The following CAMK1D variants were observed in gnomAD, a reference collection of about 807,000 sequenced individuals.
CAMK1D encodes the protein calcium/calmodulin-dependent protein kinase type 1D.
A neutral mutation model predicts 47.7 loss-of-function variants in CAMK1D; 9 were observed. The ratio of observed to expected loss-of-function variants is 0.19; its 90% CI spans 0.11 to 0.33. The LOEUF (loss-of-function observed/expected upper bound fraction) is 0.33. Among genes scored for constraint, CAMK1D ranks in the 10% least tolerant of loss-of-function variants. The pLI, the probability that CAMK1D is intolerant of heterozygous loss-of-function variation, is 1.00. For missense variants in CAMK1D, 291 were observed against 488.7 expected (o/e 0.60, Z 3.81); for synonymous variants, 184 against 184.9 (o/e 0.99, Z 0.04).
At chr10:12,818,597 G>C (rs1354665965) in intron 8 of CAMK1D, among the ~76,000 whole-genome samples, 1 of 152,084 alleles carries the variant, frequency 6.6e-6, no homozygotes, top group Non-Finnish European at 1.5e-5. Context: ...CTTGAATCCA[G>C]GAGGCGGAGC....
intron 3 of CAMK1D, among the ~76,000 whole-genome samples, chr10:12,715,705 A>G (rs1210810473): frequency 6.8e-6 from 1 of 147,870 alleles, no homozygotes; most frequent in South Asian, 2.2e-4. Flanking sequence ...CGGGGGGAGA[A>G]GTGTGGGATG....
chr10:12,482,111 A>G (rs1834082424), intron 1 of CAMK1D, among the ~76,000 whole-genome samples: 1 of 152,250 alleles, frequency 6.6e-6, no homozygotes, highest in Non-Finnish European at 1.5e-5. Context: ...AGCATCTTAT[A>G]GCTGAAGAGC....
intron 3 of CAMK1D, among the ~76,000 whole-genome samples, chr10:12,703,812 TGAGCCGA>T (rs1414271197): frequency 6.7e-6 from 1 of 148,222 alleles, no homozygotes; most frequent in Non-Finnish European, 1.5e-5. Flanking sequence ...GAGGTTGCAG[TGAGCCGA>T]GATCACGCCA....
At chr10:12,703,499 C>T (rs1833608243) in intron 3 of CAMK1D, among the ~76,000 whole-genome samples, 1 of 152,156 alleles carries the variant, frequency 6.6e-6, no homozygotes. Flanking sequence ...TTGCACAGAC[C>T]AGGCAATGAG....
intron 1 of CAMK1D, among the ~76,000 whole-genome samples, chr10:12,455,458 G>T (rs749555787): frequency 1.3e-5 from 2 of 152,224 alleles, no homozygotes; most frequent in Non-Finnish European, 2.9e-5. Flanking sequence ...ACAGGCATGA[G>T]CCACTATGTC....
intron 3 of CAMK1D, among the ~76,000 whole-genome samples, chr10:12,711,715 A>C (rs1299033723): frequency 4.6e-5 from 7 of 152,146 alleles, no homozygotes; most frequent in African/African-American, 7.2e-5. Context: ...GAGTCCTCAC[A>C]CCACTTTGGT....
intron 1 of CAMK1D, among the ~76,000 whole-genome samples, chr10:12,387,429 ATATATTATATATATTT>A (rs1392727172): frequency 4.3e-3 from 250 of 58,542 alleles, no homozygotes; most frequent in African/African-American, 0.014. Context: ...TATATATTTT[ATATATTATATATATTT>A]TATATATATA....
At chr10:12,670,525 A>C (rs1312239193) in intron 3 of CAMK1D, among the ~76,000 whole-genome samples, 2 of 151,614 alleles carry the variant, frequency 1.3e-5, no homozygotes, top group Admixed American at 1.3e-4. Context: ...TACATACTAC[A>C]CAATTCACCC....
intron 3 of CAMK1D, among the ~76,000 whole-genome samples, chr10:12,669,595 C>T (rs1323609800): frequency 2.0e-5 from 3 of 152,170 alleles, no homozygotes; most frequent in Non-Finnish European, 1.5e-5. Flanking sequence ...CAGTGATGAA[C>T]GTGAGAGAAT....
chr10:12,608,662 A>G (rs1838534095), intron 2 of CAMK1D, among the ~76,000 whole-genome samples: 1 of 152,244 alleles, frequency 6.6e-6, no homozygotes, highest in Admixed American at 6.5e-5. Flanking sequence ...TTATTTCTTC[A>G]CTGAATATGA....
intron 2 of CAMK1D, among the ~76,000 whole-genome samples, chr10:12,646,651 G>A (rs1167523745): frequency 2.0e-5 from 3 of 152,046 alleles, no homozygotes; most frequent in African/African-American, 7.2e-5. Context: ...ATATTGAAAT[G>A]AAACGTGATT....
chr10:12,554,836 G>T (rs1401962377), intron 2 of CAMK1D, among the ~76,000 whole-genome samples: 1 of 152,252 alleles, frequency 6.6e-6, no homozygotes, highest in African/African-American at 2.4e-5. Context: ...GAGCCATGGC[G>T]CCTGGCTCCC....
In CAMK1D at chr10:12,804,520, G is replaced by A. The variant is rs925452356; in HGVS notation, c.642-9675G>A. Among the ~76,000 whole-genome samples the A allele has an allele frequency of 4.6e-5, 7 of 152,022 alleles. No individual in the cohort carries two copies. The East Asian group carries it at 1.4e-3, about 29-fold the overall frequency. On this transcript the variant is annotated intron_variant, in intron 6 of 10. Coordinates refer to ENST00000619168, the MANE Select transcript of CAMK1D (RefSeq NM_153498.4). ...TCCCAGGTACTTGGGAAGATGGGTTGGGAGAATCGCTTGAACTCAGGAGGT... is the reference window on the plus strand; with the variant it reads ...TCCCAGGTACTTGGGAAGATGGGTTAGGAGAATCGCTTGAACTCAGGAGGT...
intron 1 of CAMK1D, among the ~76,000 whole-genome samples, chr10:12,454,740 G>T (rs1200677946): frequency 6.6e-6 from 1 of 152,232 alleles, no homozygotes; most frequent in African/African-American, 2.4e-5. Context: ...TGGGATTACA[G>T]GTGTGAGCCT....
chr10:12,454,465 T>G lies in CAMK1D; in HGVS notation c.93-98760T>G, dbSNP rs563047207. Among the ~76,000 whole-genome samples, 9 of 149,358 alleles carry G rather than the reference T, an allele frequency of 6.0e-5. No homozygotes were observed. The South Asian group carries it at 1.3e-3, about 21-fold the overall frequency. ...GTGTGAGCCACCACTCCCGGCCGAATTTTAATTTTTTTTTAGAGACAAGGT... is the reference window on the plus strand; with the variant it reads ...GTGTGAGCCACCACTCCCGGCCGAAGTTTAATTTTTTTTTAGAGACAAGGT... On this transcript the variant is annotated intron_variant, in intron 1 of 10. Transcript: ENST00000619168.
chr10:12,391,780 C>A (rs1420632713), intron 1 of CAMK1D, among the ~76,000 whole-genome samples: 1 of 152,156 alleles, frequency 6.6e-6, no homozygotes, highest in Non-Finnish European at 1.5e-5. Flanking sequence ...ATTAGGAAGA[C>A]TAGAACCGAA....
At chr10:12,593,602 A>C (rs533470552) in intron 2 of CAMK1D, among the ~76,000 whole-genome samples, 261 of 152,248 alleles carry the variant, frequency 1.7e-3, no homozygotes, top group Admixed American at 3.5e-3. Flanking sequence ...AAAAACAAAC[A>C]AACAAACAAA....
At chr10:12,755,564 G>A (rs1390668755) in intron 3 of CAMK1D, among the ~76,000 whole-genome samples, 3 of 152,126 alleles carry the variant, frequency 2.0e-5, no homozygotes, top group Admixed American at 2.0e-4. Flanking sequence ...CTAGATCCCT[G>A]AGGAATCGCC....
chr10:12,819,393 C>A (rs1832933663), intron 8 of CAMK1D, among the ~76,000 whole-genome samples: 1 of 152,224 alleles, frequency 6.6e-6, no homozygotes. Context: ...GGAAATGAGA[C>A]TGGGAAGGAG....
Sources: gnomAD v4.1 joint callset for allele counts (sites outside exome capture counted in the v4.1 genomes callset) on GRCh38, gnomAD v4.1.1 for gene constraint, MANE v1.5 for transcripts, NCBI Gene and HGNC (gene_info 2026-07-23, HGNC 2026-07-21) for gene names.